Variants in PRKCA observed in about 807,000 individuals in gnomAD.
PRKCA encodes the protein protein kinase C alpha type.
PRKCA carries 27 observed loss-of-function variants against 87.0 expected under a neutral mutation model. That is an observed-to-expected ratio of 0.31 (90% CI 0.23 to 0.43). PRKCA has a LOEUF of 0.43. PRKCA is among the 20% of genes least tolerant of loss of function. PRKCA has a pLI of 1.00. For synonymous variants in PRKCA, 329 were observed against 311.1 expected, an observed-to-expected ratio of 1.06 and a Z score of -0.61; for missense variants, 518 against 852.3, an observed-to-expected ratio of 0.61 and a Z score of 4.88.
chr17:66,312,699 G>A (rs973437153), intron 2 of PRKCA, among the ~76,000 whole-genome samples: 1 of 143,418 alleles, frequency 7.0e-6, no homozygotes, highest in Admixed American at 7.0e-5. Context: ...TTTCCCAATT[G>A]TCCTATTCTA....
chr17:66,533,173 G>A (rs1967627876), intron 3 of PRKCA, among the ~76,000 whole-genome samples: 1 of 152,158 alleles, frequency 6.6e-6, no homozygotes, highest in Non-Finnish European at 1.5e-5. Context: ...TTAAAGGGAT[G>A]CCCTAAAACA....
intron 5 of PRKCA, among the ~76,000 whole-genome samples, chr17:66,663,872 GTT>G (rs34996655): frequency 2.3e-4 from 33 of 143,650 alleles, no homozygotes; most frequent in African/African-American, 3.1e-4. Flanking sequence ...TGATTTTGGG[GTT>G]TTTTTTTTTT....
chr17:66,609,638 C>G (rs935959979), intron 3 of PRKCA, among the ~76,000 whole-genome samples: 3 of 151,652 alleles, frequency 2.0e-5, no homozygotes, highest in African/African-American at 7.3e-5. Flanking sequence ...ATGATTTGAC[C>G]AGAAACCCCG....
At chr17:66,420,997 T>A (rs544548131) in intron 2 of PRKCA, among the ~76,000 whole-genome samples, 10 of 152,238 alleles carry the variant, frequency 6.6e-5, no homozygotes, top group African/African-American at 2.4e-4. Context: ...TATGCTGTCA[T>A]GGGAAACCTG....
At chr17:66,387,089 C>A (rs1279077028) in intron 2 of PRKCA, among the ~76,000 whole-genome samples, 2 of 152,202 alleles carry the variant, frequency 1.3e-5, no homozygotes, top group South Asian at 4.1e-4. Context: ...TGGGCAGGTA[C>A]ATCCTGCTTA....
chr17:66,358,572 A>T (rs977761062), intron 2 of PRKCA, among the ~76,000 whole-genome samples: 1 of 150,212 alleles, frequency 6.7e-6, no homozygotes, highest in South Asian at 2.1e-4. Flanking sequence ...AAACGTAACT[A>T]CCTTGCTGTT....
chr17:66,791,792 A>C (rs994785740), intron 16 of PRKCA, among the ~76,000 whole-genome samples: 1 of 152,232 alleles, frequency 6.6e-6, no homozygotes, highest in Non-Finnish European at 1.5e-5. Context: ...GAAGCTGCAC[A>C]ATACGCTCTG....
intron 2 of PRKCA, among the ~76,000 whole-genome samples, chr17:66,344,989 T>C (rs1907271187): frequency 6.6e-6 from 1 of 152,200 alleles, no homozygotes; most frequent in African/African-American, 2.4e-5. Context: ...CGAATATACC[T>C]ATTGCAGTAT....
chr17:66,769,235 G>A (rs1057266167), intron 13 of PRKCA, among the ~76,000 whole-genome samples: 1 of 152,048 alleles, frequency 6.6e-6, no homozygotes, highest in African/African-American at 2.4e-5. Flanking sequence ...GTGCATGCCT[G>A]TGGTCCCAGC....
At chr17:66,679,093 G>C (rs1229673792) in intron 5 of PRKCA, among the ~76,000 whole-genome samples, 1 of 151,776 alleles carries the variant, frequency 6.6e-6, no homozygotes, top group African/African-American at 2.4e-5. Flanking sequence ...GCACATTCCA[G>C]CTGTAGTGAC....
chr17:66,551,126 A>G (rs1181102363), intron 3 of PRKCA, among the ~76,000 whole-genome samples: 1 of 152,144 alleles, frequency 6.6e-6, no homozygotes, highest in East Asian at 1.9e-4. Flanking sequence ...GCAGTGGCAC[A>G]GTCATGACTC....
intron 3 of PRKCA, among the ~76,000 whole-genome samples, chr17:66,514,915 G>T (rs1317805989): frequency 6.6e-6 from 1 of 152,070 alleles, no homozygotes; most frequent in African/African-American, 2.4e-5. Context: ...GCTTGCTTTT[G>T]TTGAGCATGT....
intron 2 of PRKCA, among the ~76,000 whole-genome samples, chr17:66,461,220 AAAAG>A (rs1296735566): frequency 1.4e-4 from 21 of 151,498 alleles, no homozygotes; most frequent in African/African-American, 4.3e-4. Context: ...AAAAAAAAAA[AAAAG>A]AAAAGAAAAT....
chr17:66,520,523 A>C (rs904750429), intron 3 of PRKCA, among the ~76,000 whole-genome samples: 1 of 152,158 alleles, frequency 6.6e-6, no homozygotes, highest in Non-Finnish European at 1.5e-5. Context: ...TCAGCCTCCC[A>C]GAGTGCTGGG....
chr17:66,404,672 A>G (rs1911241712), intron 2 of PRKCA, among the ~76,000 whole-genome samples: 1 of 146,778 alleles, frequency 6.8e-6, no homozygotes, highest in Non-Finnish European at 1.5e-5. Flanking sequence ...TTCACCCTGA[A>G]TCTTCTGCCT....
chr17:66,683,171 T>C (rs932125849), intron 5 of PRKCA, among the ~76,000 whole-genome samples: 1 of 152,266 alleles, frequency 6.6e-6, no homozygotes, highest in Non-Finnish European at 1.5e-5. Context: ...ACATCTATTT[T>C]CATTGTGTTT....
At chr17:66,434,596 A>G (rs779089638) in intron 2 of PRKCA, among the ~76,000 whole-genome samples, 2 of 152,064 alleles carry the variant, frequency 1.3e-5, no homozygotes, top group Non-Finnish European at 2.9e-5. Flanking sequence ...CCCCTTTGCT[A>G]TGGTGATCTG....
chr17:66,625,135 G>C (rs1160615385), intron 3 of PRKCA, among the ~76,000 whole-genome samples: 1 of 152,278 alleles, frequency 6.6e-6, no homozygotes, highest in South Asian at 2.1e-4. Context: ...TGTACAGAAC[G>C]TTTCCTCTTA....
At chr17:66,335,122 G>A (rs1365600945) in intron 2 of PRKCA, among the ~76,000 whole-genome samples, 4 of 152,032 alleles carry the variant, frequency 2.6e-5, no homozygotes, top group South Asian at 4.2e-4. Context: ...TGGGAAGTTC[G>A]TTTTTATTTT....
Sources: gnomAD v4.1 joint callset for allele counts (sites outside exome capture counted in the v4.1 genomes callset) on GRCh38, gnomAD v4.1.1 for gene constraint, MANE v1.5 for transcripts, NCBI Gene and HGNC (gene_info 2026-07-23, HGNC 2026-07-21) for gene names.